Variants in MARCHF7 observed in about 807,000 individuals in gnomAD.
MARCHF7 encodes the protein membrane associated ring-CH-type finger 7.
In MARCHF7, 20 loss-of-function variants were observed where a neutral mutation model predicts 76.5. That is an observed-to-expected ratio of 0.26 (90% CI 0.18 to 0.38). The LOEUF (loss-of-function observed/expected upper bound fraction) is 0.38. MARCHF7 is among the 10% of genes least tolerant of loss of function. The pLI is 1.00. For missense variants in MARCHF7, 797 were observed against 812.9 expected (o/e 0.98, Z 0.24); for synonymous variants, 295 against 293.0 (o/e 1.01, Z -0.07).
intron 3 of MARCHF7, among the ~76,000 whole-genome samples, chr2:159,721,517 G>C (rs1233283527): frequency 6.6e-6 from 1 of 152,172 alleles, no homozygotes; most frequent in Non-Finnish European, 1.5e-5. Context: ...TGCATTATCA[G>C]CTTCAGAGAA....
At chr2:159,734,142 G>T in intron 4 of MARCHF7, 1 of 1,149,298 alleles carries the variant, frequency 8.7e-7, no homozygotes. Flanking sequence ...TTGTTAAAAA[G>T]GGGTTATTTG....
intron 8 of MARCHF7, among the ~76,000 whole-genome samples, chr2:159,752,948 G>T (rs1305603842): frequency 6.6e-6 from 1 of 152,170 alleles, no homozygotes; most frequent in South Asian, 2.1e-4. Flanking sequence ...GGCAAATTAC[G>T]ATTATAGGCT....
At chr2:159,736,885 A>G (rs1193306174) in intron 4 of MARCHF7, among the ~76,000 whole-genome samples, 5 of 152,204 alleles carry the variant, frequency 3.3e-5, no homozygotes, top group Admixed American at 3.3e-4. Flanking sequence ...ACTATATAGT[A>G]TTTCAGCTAC....
rs1413725098 is a variant in MARCHF7 at position 159,768,344 on chromosome 2, C to A, written c.*1002C>A. 1.3e-5 allele frequency: 2 copies of A among 152,582 alleles called. No individual in the cohort carries two copies. The highest frequency in any genetic ancestry group is 2.9e-5 in the Non-Finnish European group (2 of 67,998). 9.5% of individuals were successfully genotyped at this position (152,582 alleles called of 1,614,324 possible). A position where few individuals can be genotyped will look rare whatever the true frequency, so the allele number is the denominator to read the frequency against. ...ATTATTCACCATGAATGGATCTATA[C>A]TGTGTGGTCATGAGTTGTGTATACT... is the stretch of plus-strand genomic sequence containing the variant. On this transcript the variant is annotated 3_prime_UTR_variant, in exon 12 of 12. Coordinates refer to ENST00000409175, the MANE Select transcript of MARCHF7 (RefSeq NM_001282805.2).
rs199842449 is a variant in MARCHF7, at chr2:159,727,587, C to CA, written c.-14-1421dup. ...TGGGCAACAGAGTGAGACTCCGTCT[C>CA]AGAAAAAAAAAGCTTTTTAAATTAT... On this transcript the variant is annotated intron_variant, in intron 3 of 11. Coordinates refer to ENST00000409175, the MANE Select transcript of MARCHF7 (RefSeq NM_001282805.2). Among the ~76,000 whole-genome samples the CA allele has an allele frequency of 5.2e-3, 769 of 148,146 alleles. 4 individuals are homozygous for CA. The highest frequency in any genetic ancestry group is 0.017 in the African/African-American group (703 of 40,190).
chr2:159,757,429 A>G (rs1021978450), intron 8 of MARCHF7, among the ~76,000 whole-genome samples: 2 of 152,246 alleles, frequency 1.3e-5, no homozygotes, highest in Admixed American at 1.3e-4. Flanking sequence ...GATGAATAAA[A>G]TAAGTCTAGT....
intron 6 of MARCHF7, among the ~76,000 whole-genome samples, chr2:159,746,707 T>C (rs1031191326): frequency 2.0e-5 from 3 of 152,228 alleles, no homozygotes; most frequent in African/African-American, 7.2e-5. Context: ...AGCCACACTT[T>C]GTATCATTGT....
chr2:159,739,155 C>T (rs1703826218), intron 4 of MARCHF7, among the ~76,000 whole-genome samples: 1 of 152,228 alleles, frequency 6.6e-6, no homozygotes. Flanking sequence ...CACAGGGATA[C>T]CCAAGTCTAC....
chr2:159,770,230 C>G lies in MARCHF7; in HGVS notation c.*2888C>G, dbSNP rs555623416. 3.3e-5 allele frequency: 5 copies of G among 152,190 alleles called. No homozygotes were observed. In the South Asian group the frequency reaches 1.0e-3, roughly 32 times the overall value. 9.4% of individuals were successfully genotyped at this position (152,190 alleles called of 1,614,324 possible). A position where few individuals can be genotyped will look rare whatever the true frequency, so the allele number is the denominator to read the frequency against. On this transcript the variant is annotated 3_prime_UTR_variant, in exon 12 of 12. Coordinates refer to ENST00000409175, the MANE Select transcript of MARCHF7 (RefSeq NM_001282805.2). ...GTTCAATATTGACATTAGTAATAGTCTATCAATAATAAAATAGACATCTCA... is the reference window on the plus strand; with the variant it reads ...GTTCAATATTGACATTAGTAATAGTGTATCAATAATAAAATAGACATCTCA...
chr2:159,756,555 C>T (rs1247824049), intron 8 of MARCHF7, among the ~76,000 whole-genome samples: 4 of 151,746 alleles, frequency 2.6e-5, no homozygotes, highest in Admixed American at 1.3e-4. Context: ...GGTGTGGTGG[C>T]GCACACCTGT....
intron 4 of MARCHF7, among the ~76,000 whole-genome samples, chr2:159,739,697 A>G (rs1021930438): frequency 2.0e-5 from 3 of 152,248 alleles, no homozygotes; most frequent in Non-Finnish European, 4.4e-5. Flanking sequence ...TATTTGAACA[A>G]ATATGGACAA....
chr2:159,755,756 TATAGC>T (rs1461604504), intron 8 of MARCHF7, among the ~76,000 whole-genome samples: 1 of 152,158 alleles, frequency 6.6e-6, no homozygotes, highest in Non-Finnish European at 1.5e-5. Flanking sequence ...ATCTGATCAT[TATAGC>T]ATAGTAACAT....
chr2:159,719,387 A>G (rs1431411178), intron 3 of MARCHF7, among the ~76,000 whole-genome samples: 1 of 148,008 alleles, frequency 6.8e-6, no homozygotes, highest in African/African-American at 2.5e-5. Context: ...ACCACCCCCC[A>G]CCACCACCCC....
chr2:159,721,633 AT>A (rs1160109385), intron 3 of MARCHF7, among the ~76,000 whole-genome samples: 1 of 152,202 alleles, frequency 6.6e-6, no homozygotes, highest in African/African-American at 2.4e-5. Flanking sequence ...TTTGTAGCTA[AT>A]TAGATTCCTT....
chr2:159,719,499 T>TG (rs1199155038), intron 3 of MARCHF7, among the ~76,000 whole-genome samples: 1 of 152,202 alleles, frequency 6.6e-6, no homozygotes, highest in East Asian at 1.9e-4. Context: ...CTTTCTGACT[T>TG]GAAGTATGTA....
At chr2:159,727,062 T>A (rs532571054) in intron 3 of MARCHF7, among the ~76,000 whole-genome samples, 1 of 152,324 alleles carries the variant, frequency 6.6e-6, no homozygotes, top group South Asian at 2.1e-4. Context: ...AAAGACGCAT[T>A]TCTTAGAATA....
In MARCHF7 at chr2:159,769,936, G is replaced by A. The variant is rs528896320; in HGVS notation, c.*2594G>A. 1 of 152,176 alleles carries A rather than the reference G, an allele frequency of 6.6e-6. No homozygotes were observed. Among genetic ancestry groups the A allele is most frequent in the East Asian group, 1.9e-4 (1 of 5,188 alleles). 9.4% of individuals were successfully genotyped at this position (152,176 alleles called of 1,614,324 possible). A position where few individuals can be genotyped will look rare whatever the true frequency, so the allele number is the denominator to read the frequency against. ...TTGAACACTTGACAATGTGGCTAAT[G>A]TAATTCGAAAACTGGATTTTAAACT... On this transcript the variant is annotated 3_prime_UTR_variant, in exon 12 of 12. Transcript: ENST00000409175.
chr2:159,742,982 A>G (rs75774925), intron 4 of MARCHF7, 79 bp from the exon 5 acceptor site: 76,785 of 1,229,274 alleles, frequency 0.062, 2,792 homozygotes, highest in East Asian at 0.11. Flanking sequence ...TGCTTGTGGG[A>G]ATTTATTAGA....
intron 4 of MARCHF7, chr2:159,734,098 A>G: frequency 6.1e-6 from 8 of 1,306,310 alleles, no homozygotes; most frequent in Non-Finnish European, 8.1e-6. Context: ...CAAAATTTAC[A>G]TGTTTTTAAA....
Sources: allele counts gnomAD v4.1 joint callset (sites outside exome capture counted in the v4.1 genomes callset), GRCh38; gene constraint gnomAD v4.1.1; transcripts MANE v1.5; gene names NCBI Gene and HGNC (gene_info 2026-07-23, HGNC 2026-07-21).